The following PRKAR2B variants were observed in gnomAD, a reference collection of about 807,000 sequenced individuals.
PRKAR2B encodes cAMP-dependent protein kinase type II-beta regulatory subunit.
PRKAR2B carries 14 observed loss-of-function variants against 49.9 expected under a neutral mutation model. The ratio of observed to expected loss-of-function variants is 0.28; its 90% CI spans 0.19 to 0.44. PRKAR2B has a LOEUF of 0.44. Ranked by LOEUF, PRKAR2B falls within the 20% of genes least tolerant of loss-of-function variation. The pLI, the probability that PRKAR2B is intolerant of heterozygous loss-of-function variation, is 1.00. For synonymous variants in PRKAR2B, 196 were observed against 197.7 expected (o/e 0.99, Z 0.07); for missense variants, 393 against 537.9 (o/e 0.73, Z 2.67).
chr7:107,103,291 A>G (rs1050831946), intron 2 of PRKAR2B, among the ~76,000 whole-genome samples: 6 of 152,254 alleles, frequency 3.9e-5, no homozygotes, highest in Non-Finnish European at 7.3e-5. Flanking sequence ...AATAAAAATT[A>G]AAACATTCAC....
At chr7:107,052,640 C>T (rs893623839) in intron 1 of PRKAR2B, among the ~76,000 whole-genome samples, 2 of 152,138 alleles carry the variant, frequency 1.3e-5, no homozygotes, top group Admixed American at 6.5e-5. Flanking sequence ...TTATACACTT[C>T]ATTTCAGTAA....
chr7:107,142,831 C>T (rs939532734), intron 5 of PRKAR2B, among the ~76,000 whole-genome samples: 2 of 151,936 alleles, frequency 1.3e-5, no homozygotes, highest in South Asian at 2.1e-4. Context: ...GGTGCGATCT[C>T]GACCCACTGC....
intron 1 of PRKAR2B, among the ~76,000 whole-genome samples, chr7:107,045,784 A>G (rs770256460): frequency 1.4e-4 from 21 of 152,198 alleles, no homozygotes; most frequent in Admixed American, 2.0e-4. Context: ...AGAGTTATCT[A>G]TTATTTTCCA....
intron 2 of PRKAR2B, among the ~76,000 whole-genome samples, chr7:107,084,668 T>G (rs1000631081): frequency 1.3e-5 from 2 of 151,486 alleles, no homozygotes; most frequent in Admixed American, 1.3e-4. Context: ...TCACCCACAC[T>G]GGAGTGCAGT....
In PRKAR2B at chr7:107,044,812, A is replaced by G. The variant is rs1365719213; in HGVS notation, c.-96A>G. ...CCGCGCTCGCAGCCGGTAGCGCGCCAGCGCCGTAGGCGCTCGCTCGGCAGC... is the reference window on the plus strand; with the variant it reads ...CCGCGCTCGCAGCCGGTAGCGCGCCGGCGCCGTAGGCGCTCGCTCGGCAGC... On this transcript the variant is annotated 5_prime_UTR_variant, in exon 1 of 11. Coordinates refer to ENST00000265717, the MANE Select transcript of PRKAR2B (RefSeq NM_002736.3). The G allele has an allele frequency of 1.9e-6, 2 of 1,027,016 alleles. No individual in the cohort carries two copies. The highest frequency in any genetic ancestry group is 4.5e-5 in the Admixed American group (1 of 22,182). 63.6% of individuals were successfully genotyped at this position (1,027,016 alleles called of 1,614,324 possible). A position where few individuals can be genotyped will look rare whatever the true frequency, so the allele number is the denominator to read the frequency against.
At chr7:107,099,882 C>G (rs865815930) in intron 2 of PRKAR2B, among the ~76,000 whole-genome samples, 1 of 152,262 alleles carries the variant, frequency 6.6e-6, no homozygotes, top group Middle Eastern at 3.4e-3. Context: ...GATCCGCCCG[C>G]CTTGGCCTCC....
chr7:107,151,522 G>A (rs1795987444), intron 7 of PRKAR2B, among the ~76,000 whole-genome samples: 1 of 152,200 alleles, frequency 6.6e-6, no homozygotes, highest in Admixed American at 6.5e-5. Flanking sequence ...CTTAAATACA[G>A]ATGTCCCTTG....
At chr7:107,083,074 T>G (rs1230175299) in intron 2 of PRKAR2B, among the ~76,000 whole-genome samples, 1 of 152,040 alleles carries the variant, frequency 6.6e-6, no homozygotes, top group Non-Finnish European at 1.5e-5. Flanking sequence ...CTCAAAATGT[T>G]TTTTATGAAT....
chr7:107,156,566 G>A (rs1008573121), intron 8 of PRKAR2B, among the ~76,000 whole-genome samples: 2 of 152,188 alleles, frequency 1.3e-5, no homozygotes, highest in African/African-American at 4.8e-5. Context: ...AGCACTTTGG[G>A]AGGCCGACGC....
chr7:107,054,824 T>TA (rs1185367589), intron 1 of PRKAR2B, among the ~76,000 whole-genome samples: 1 of 152,224 alleles, frequency 6.6e-6, no homozygotes, highest in Non-Finnish European at 1.5e-5. Flanking sequence ...GACTTTTTTT[T>TA]ATTATACTTT....
intron 4 of PRKAR2B, 46 bp downstream of exon 4, chr7:107,128,341 G>C: frequency 7.1e-7 from 1 of 1,415,998 alleles, no homozygotes; most frequent in East Asian, 2.3e-5. Context: ...TTTTCCCCCA[G>C]TGACAGTGTC....
chr7:107,092,692 TTATC>T (rs202232843), intron 2 of PRKAR2B, among the ~76,000 whole-genome samples: 1,649 of 152,282 alleles, frequency 0.011, 23 homozygotes, highest in Middle Eastern at 0.065. Context: ...TTTAAAAAAT[TTATC>T]TATGTATTTT....
At chr7:107,074,350 C>T (rs1470297755) in intron 2 of PRKAR2B, among the ~76,000 whole-genome samples, 2 of 152,014 alleles carry the variant, frequency 1.3e-5, no homozygotes, top group East Asian at 2.0e-4. Flanking sequence ...GTGATCTGCC[C>T]GCCTTGGCCT....
At chr7:107,070,174 C>A in intron 1 of PRKAR2B, 107 bp from the exon 2 acceptor site, 2 of 686,484 alleles carry the variant, frequency 2.9e-6, no homozygotes, top group South Asian at 2.1e-5. Flanking sequence ...ATTTATTCAT[C>A]TTTTTCTTTA....
intron 1 of PRKAR2B, among the ~76,000 whole-genome samples, chr7:107,059,571 A>G (rs1793984993): frequency 6.6e-6 from 1 of 152,114 alleles, no homozygotes; most frequent in South Asian, 2.1e-4. Flanking sequence ...ATGTAGTTCT[A>G]GTTCTCTAGT....
At chr7:107,095,803 G>A (rs568416701) in intron 2 of PRKAR2B, among the ~76,000 whole-genome samples, 68 of 152,224 alleles carry the variant, frequency 4.5e-4, no homozygotes, top group Middle Eastern at 3.4e-3. Context: ...GATGGATTAC[G>A]TTTATTGATT....
At chr7:107,076,524 A>G (rs1562848718) in intron 2 of PRKAR2B, among the ~76,000 whole-genome samples, 1 of 152,180 alleles carries the variant, frequency 6.6e-6, no homozygotes, top group Non-Finnish European at 1.5e-5. Context: ...AGATGGCATT[A>G]GCACAGCTGC....
intron 2 of PRKAR2B, among the ~76,000 whole-genome samples, chr7:107,084,786 AT>A (rs113164310): frequency 6.1e-5 from 9 of 148,152 alleles, no homozygotes; most frequent in Admixed American, 6.7e-5. Context: ...TGCCTGGCTA[AT>A]TTTTTTTTTG....
chr7:107,085,246 A>G (rs1284749836), intron 2 of PRKAR2B, among the ~76,000 whole-genome samples: 1 of 152,140 alleles, frequency 6.6e-6, no homozygotes, highest in Non-Finnish European at 1.5e-5. Context: ...TGAAGAGTGG[A>G]AGGTGATGAT....
Sources: gnomAD v4.1 joint callset for allele counts (sites outside exome capture counted in the v4.1 genomes callset) on GRCh38, gnomAD v4.1.1 for gene constraint, MANE v1.5 for transcripts, NCBI Gene and HGNC (gene_info 2026-07-23, HGNC 2026-07-21) for gene names.